Variants in WDR1 observed in about 807,000 individuals in gnomAD.
WDR1 encodes WD repeat-containing protein 1.
A neutral mutation model predicts 71.9 loss-of-function variants in WDR1; 21 were observed. That is an observed-to-expected ratio of 0.29 (90% CI 0.21 to 0.42). The LOEUF is 0.42. WDR1 is among the 10% of genes least tolerant of loss of function. The pLI is 1.00. For synonymous variants in WDR1, 424 were observed against 347.4 expected, an observed-to-expected ratio of 1.22 and a Z score of -2.45; for missense variants, 696 against 824.5, an observed-to-expected ratio of 0.84 and a Z score of 1.91.
rs533618784 is a variant in WDR1, at chr4:10,095,114, C to G, written c.558+2597G>C. On this transcript the variant is annotated intron_variant, in intron 5 of 14. Coordinates refer to ENST00000499869, the MANE Select transcript of WDR1 (RefSeq NM_017491.5). The stretch of plus-strand genomic sequence containing the variant: ...CAGAAGGCGCAGATGAAGACAGGCC[C>G]GAGTTGCCACCACAGCTGCTCATTC... Among the ~76,000 whole-genome samples the G allele has an allele frequency of 3.3e-5, 5 of 152,290 alleles. No homozygotes were observed. In the East Asian group the frequency reaches 5.8e-4, roughly 18 times the overall value.
chr4:10,115,936 T>C, intron 2 of WDR1, 177 bp downstream of exon 2: 1 of 755,910 alleles, frequency 1.3e-6, no homozygotes, highest in Middle Eastern at 4.0e-4. Flanking sequence ...GACAAGGACC[T>C]GGGTGAATCT....
chr4:10,088,652 C>G lies in WDR1; in HGVS notation c.636+12G>C. 6.3e-7 allele frequency: 1 copy of G among 1,596,084 alleles called. No individual in the cohort carries two copies. ...AGCCATTCCCCACCCCAAAACCCAT[C>G]CCAGTTCTTACCTGGCCGTCAGCAC... On this transcript the variant is annotated intron_variant, in intron 6 of 14. Transcript: ENST00000499869.
chr4:10,087,678 G>T, intron 8 of WDR1, 29 bp downstream of exon 8: 1 of 1,547,246 alleles, frequency 6.5e-7, no homozygotes, highest in East Asian at 2.4e-5. Context: ...CCACCCAGCG[G>T]GCAGAGCCTT....
intron 12 of WDR1, 41 bp downstream of exon 12, chr4:10,078,850 T>C (rs1306464223): frequency 2.6e-6 from 4 of 1,551,252 alleles, no homozygotes; most frequent in Non-Finnish European, 3.5e-6. Flanking sequence ...ATCACCCAGA[T>C]ACCAAGGACA....
chr4:10,111,346 A>G lies in WDR1; in HGVS notation c.138+4767T>C, dbSNP rs527270024. Reference sequence around the variant, plus strand: ...GATGTGGTCCCATCTGCAGAAGCCCAGCGTCCTGACTGGCACCTGCAGCCA... The same window carrying G: ...GATGTGGTCCCATCTGCAGAAGCCCGGCGTCCTGACTGGCACCTGCAGCCA... On this transcript the variant is annotated intron_variant, in intron 2 of 14. Coordinates refer to ENST00000499869, the MANE Select transcript of WDR1 (RefSeq NM_017491.5). Among the ~76,000 whole-genome samples, 176 of 152,258 alleles carry G rather than the reference A, an allele frequency of 1.2e-3. 2 individuals are homozygous for G. The highest frequency in any genetic ancestry group is 2.5e-3 in the Admixed American group (39 of 15,302).
At chr4:10,100,960 G>T (rs1203198491) in intron 3 of WDR1, among the ~76,000 whole-genome samples, 1 of 152,248 alleles carries the variant, frequency 6.6e-6, no homozygotes, top group Non-Finnish European at 1.5e-5. Context: ...CTGCCCCATG[G>T]AGAAGACATT....
At chr4:10,100,150 A>G (rs937973176) in intron 3 of WDR1, among the ~76,000 whole-genome samples, 4 of 152,212 alleles carry the variant, frequency 2.6e-5, no homozygotes, top group African/African-American at 9.6e-5. Flanking sequence ...CAACCACCAC[A>G]GCTCTACAGC....
chr4:10,111,001 G>A (rs1367050790), intron 2 of WDR1, among the ~76,000 whole-genome samples: 1 of 152,248 alleles, frequency 6.6e-6, no homozygotes, highest in Non-Finnish European at 1.5e-5. Context: ...TGTGGGAAAC[G>A]TGAGAGCCAG....
chr4:10,093,045 C>G (rs1271599480), intron 5 of WDR1: 8 of 1,289,066 alleles, frequency 6.2e-6, no homozygotes, highest in Non-Finnish European at 8.1e-6. Context: ...CCTCTCACCA[C>G]CGAGGAAACC....
At chr4:10,099,396 C>T (rs188826613) in intron 3 of WDR1, among the ~76,000 whole-genome samples, 1 of 152,370 alleles carries the variant, frequency 6.6e-6, no homozygotes, top group Admixed American at 6.5e-5. Context: ...TGCCAGAAAT[C>T]TTGCCAGAAA....
chr4:10,116,320 C>T (rs1300705371), intron 1 of WDR1, 86 bp from the exon 2 acceptor site: 1 of 1,575,726 alleles, frequency 6.3e-7, no homozygotes, highest in Non-Finnish European at 8.7e-7. Context: ...GGACCGGTCT[C>T]GGCCGGTCAC....
intron 3 of WDR1, 48 bp downstream of exon 3, chr4:10,103,848 C>T (rs953946474): frequency 1.3e-6 from 2 of 1,525,552 alleles, no homozygotes; most frequent in Non-Finnish European, 8.9e-7. Flanking sequence ...GCCCTGAGCG[C>T]CACCCAGGCC....
At chr4:10,111,089 C>G (rs1713323148) in intron 2 of WDR1, among the ~76,000 whole-genome samples, 2 of 151,354 alleles carry the variant, frequency 1.3e-5, no homozygotes, top group South Asian at 2.1e-4. Context: ...GCTTCCCTGC[C>G]TCAGATCTCA....
intron 5 of WDR1, among the ~76,000 whole-genome samples, chr4:10,090,828 C>A (rs1346988501): frequency 6.6e-6 from 1 of 152,254 alleles, no homozygotes; most frequent in Non-Finnish European, 1.5e-5. Flanking sequence ...AGTCACGTTT[C>A]CATCCCAGTG....
At chr4:10,091,885 G>A (rs1198358251) in intron 5 of WDR1, 1 of 152,774 alleles carries the variant, frequency 6.5e-6, no homozygotes, top group Non-Finnish European at 1.5e-5. Context: ...CGGCTGCAGT[G>A]AAGGCAGTGG....
intron 5 of WDR1, among the ~76,000 whole-genome samples, chr4:10,093,463 A>G (rs1712135299): frequency 6.6e-6 from 1 of 152,254 alleles, no homozygotes; most frequent in Admixed American, 6.5e-5. Flanking sequence ...ACTTCCCTGC[A>G]AAGTGCCCTG....
chr4:10,080,669 A>G (rs1764979909), intron 11 of WDR1, among the ~76,000 whole-genome samples: 1 of 152,194 alleles, frequency 6.6e-6, no homozygotes, highest in South Asian at 2.1e-4. Flanking sequence ...CCGCCAACAG[A>G]TAATATCTTC....
chr4:10,086,422 CTA>C lies in WDR1; in HGVS notation c.951+1283_951+1284del, dbSNP rs372881997. Among the ~76,000 whole-genome samples the C allele has an allele frequency of 5.3e-3, 800 of 152,348 alleles. 7 individuals carry two copies. Among genetic ancestry groups the C allele is most frequent in the Middle Eastern group, 0.02 (6 of 294 alleles). The stretch of plus-strand genomic sequence containing the variant: ...GCCCCGGCACAAAGGAACCGTGACT[CTA>C]TGCATGAGCGTTGAGGTGACCTGGT... On this transcript the variant is annotated intron_variant, in intron 8 of 14. Coordinates refer to ENST00000499869, the MANE Select transcript of WDR1 (RefSeq NM_017491.5).
At chr4:10,105,832 G>A (rs562706932) in intron 2 of WDR1, among the ~76,000 whole-genome samples, 1 of 152,330 alleles carries the variant, frequency 6.6e-6, no homozygotes, top group African/African-American at 2.4e-5. Flanking sequence ...AATGTTCACA[G>A]AAGCTTTCTT....
Sources: gnomAD v4.1 joint callset for allele counts (sites outside exome capture counted in the v4.1 genomes callset) on GRCh38, gnomAD v4.1.1 for gene constraint, MANE v1.5 for transcripts, NCBI Gene and HGNC (gene_info 2026-07-23, HGNC 2026-07-21) for gene names.